Variants in GPC6 observed in about 807,000 individuals in gnomAD.
The protein encoded by GPC6 is glypican-6.
A neutral mutation model predicts 55.2 loss-of-function variants in GPC6; 14 were observed. The observed-to-expected ratio is 0.25, with a 90% confidence interval of 0.17 to 0.40. GPC6 has a LOEUF of 0.40. GPC6 is among the 10% of genes least tolerant of loss of function. GPC6 has a pLI of 1.00. For missense variants in GPC6, 641 were observed against 708.5 expected, an observed-to-expected ratio of 0.90 and a Z score of 1.08; for synonymous variants, 278 against 259.6, an observed-to-expected ratio of 1.07 and a Z score of -0.68.
intron 2 of GPC6, among the ~76,000 whole-genome samples, chr13:93,712,643 G>A (rs1294239860): frequency 6.6e-6 from 1 of 151,540 alleles, no homozygotes; most frequent in Non-Finnish European, 1.5e-5. Flanking sequence ...TAAATGGAGT[G>A]TAGTTTTTCT....
chr13:93,464,387 C>T (rs1878826252), intron 1 of GPC6, among the ~76,000 whole-genome samples: 1 of 152,158 alleles, frequency 6.6e-6, no homozygotes, highest in African/African-American at 2.4e-5. Context: ...GAAGTCAATT[C>T]TTTCAGACCC....
At chr13:93,899,635 G>T (rs549565693) in intron 3 of GPC6, among the ~76,000 whole-genome samples, 5 of 152,146 alleles carry the variant, frequency 3.3e-5, no homozygotes, top group Admixed American at 3.3e-4. Flanking sequence ...AAAGGGAAAT[G>T]GTTGGCAGTA....
At chr13:93,675,912 A>G (rs1481662820) in intron 2 of GPC6, among the ~76,000 whole-genome samples, 6 of 151,738 alleles carry the variant, frequency 4.0e-5, no homozygotes, top group African/African-American at 9.7e-5. Flanking sequence ...ACTTTTTATT[A>G]CTATACAATT....
At chr13:93,518,434 A>G (rs1471782527) in intron 1 of GPC6, among the ~76,000 whole-genome samples, 1 of 151,890 alleles carries the variant, frequency 6.6e-6, no homozygotes. Context: ...CCTGGAGGCA[A>G]ACCCTACTAC....
chr13:93,702,251 C>G (rs1458634501), intron 2 of GPC6, among the ~76,000 whole-genome samples: 2 of 152,056 alleles, frequency 1.3e-5, no homozygotes, highest in Admixed American at 1.3e-4. Context: ...TCCTGGGTAA[C>G]TAGGTACGTT....
At chr13:93,267,573 T>C (rs1463747812) in intron 1 of GPC6, among the ~76,000 whole-genome samples, 2 of 152,132 alleles carry the variant, frequency 1.3e-5, no homozygotes, top group Non-Finnish European at 2.9e-5. Flanking sequence ...CTTATATAAG[T>C]GAAGGCCCTT....
At chr13:94,116,033 A>G (rs777007274) in intron 4 of GPC6, among the ~76,000 whole-genome samples, 1 of 152,110 alleles carries the variant, frequency 6.6e-6, no homozygotes, top group Non-Finnish European at 1.5e-5. Context: ...ATTTTCTGAG[A>G]TTGATATGAA....
chr13:94,115,963 G>A (rs1371097859), intron 4 of GPC6, among the ~76,000 whole-genome samples: 3 of 151,998 alleles, frequency 2.0e-5, no homozygotes, highest in African/African-American at 7.2e-5. Flanking sequence ...TGAGGGGCCT[G>A]TATTGCCCCA....
At chr13:93,566,310 G>A (rs1247105377) in intron 2 of GPC6, among the ~76,000 whole-genome samples, 3 of 152,182 alleles carry the variant, frequency 2.0e-5, no homozygotes, top group Non-Finnish European at 4.4e-5. Flanking sequence ...ATGTGCTAAT[G>A]AAACACACTG....
At chr13:93,789,450 C>T (rs1227083508) in intron 2 of GPC6, among the ~76,000 whole-genome samples, 3 of 144,970 alleles carry the variant, frequency 2.1e-5, no homozygotes, top group Non-Finnish European at 4.5e-5. Context: ...GTGTACCTAT[C>T]ATTACAGTAA....
chr13:93,238,209 T>C (rs538656544), intron 1 of GPC6, among the ~76,000 whole-genome samples: 57 of 152,288 alleles, frequency 3.7e-4, no homozygotes, highest in African/African-American at 1.3e-3. Context: ...ATGGGGTGTT[T>C]TTCCATTTGT....
intron 1 of GPC6, among the ~76,000 whole-genome samples, chr13:93,384,378 A>G (rs1875306562): frequency 6.9e-6 from 1 of 145,340 alleles, no homozygotes; most frequent in Admixed American, 7.2e-5. Context: ...TTTCAACCTG[A>G]AAACCGTTTT....
chr13:93,414,468 C>T (rs367909807), intron 1 of GPC6, among the ~76,000 whole-genome samples: 2 of 152,086 alleles, frequency 1.3e-5, no homozygotes, highest in African/African-American at 4.8e-5. Context: ...GCAATACGAT[C>T]GTCTGTTTCT....
At chr13:93,366,659 G>T (rs1881260716) in intron 1 of GPC6, among the ~76,000 whole-genome samples, 1 of 152,028 alleles carries the variant, frequency 6.6e-6, no homozygotes, top group African/African-American at 2.4e-5. Flanking sequence ...TTAGGGGAAA[G>T]AAACTCATTC....
At chr13:93,648,729 G>C (rs1435291770) in intron 2 of GPC6, among the ~76,000 whole-genome samples, 1 of 152,082 alleles carries the variant, frequency 6.6e-6, no homozygotes, top group Non-Finnish European at 1.5e-5. Flanking sequence ...TTATACTCCA[G>C]GCATTATCTT....
In GPC6 at chr13:93,486,125, A is replaced by T. The variant is rs76834376; in HGVS notation, c.161-59138A>T. On this transcript the variant is annotated intron_variant, in intron 1 of 8. Coordinates refer to ENST00000377047, the MANE Select transcript of GPC6 (RefSeq NM_005708.5). ...CAAAAATAAAGATATCCCTCAGTGT[A>T]GTAGAGACAAGTGGTAAGAAAATAA... is the stretch of plus-strand genomic sequence containing the variant. Among the ~76,000 whole-genome samples, 1,798 of 152,324 alleles carry T rather than the reference A, an allele frequency of 0.012. 217 individuals are homozygous for T. In the East Asian group the frequency reaches 0.28, roughly 24 times the overall value.
chr13:94,191,159 G>A (rs566101590), intron 4 of GPC6, among the ~76,000 whole-genome samples: 1 of 152,268 alleles, frequency 6.6e-6, no homozygotes, highest in South Asian at 2.1e-4. Context: ...TTTACATGTG[G>A]CACCTAAGAA....
At chr13:93,954,310 CTTTATTTTTA>C (rs914208058) in intron 3 of GPC6, among the ~76,000 whole-genome samples, 89 of 152,056 alleles carry the variant, frequency 5.9e-4, no homozygotes, top group Middle Eastern at 3.4e-3. Flanking sequence ...TACACAGTGC[CTTTATTTTTA>C]TTTATTTTTA....
At chr13:94,387,778 C>CAAA (rs1880476296) in intron 7 of GPC6, among the ~76,000 whole-genome samples, 3 of 76,534 alleles carry the variant, frequency 3.9e-5, no homozygotes, top group Admixed American at 2.4e-4. Flanking sequence ...CGTGTGAGGA[C>CAAA]ACAACAAGGC....
Sources: allele counts gnomAD v4.1 joint callset (sites outside exome capture counted in the v4.1 genomes callset), GRCh38; gene constraint gnomAD v4.1.1; transcripts MANE v1.5; gene names NCBI Gene and HGNC (gene_info 2026-07-23, HGNC 2026-07-21).